Variants in SYTL4 observed in about 807,000 individuals in gnomAD.
SYTL4 encodes synaptotagmin like 4.
SYTL4 carries 16 observed loss-of-function variants against 52.7 expected under a neutral mutation model. The ratio of observed to expected loss-of-function variants is 0.30; its 90% CI spans 0.21 to 0.46. SYTL4 has a LOEUF of 0.46. Ranked by LOEUF, SYTL4 falls within the 20% of genes least tolerant of loss-of-function variation. The pLI is 1.00. For missense variants in SYTL4, 423 were observed against 519.9 expected (o/e 0.81, Z 1.81); for synonymous variants, 160 against 186.6 (o/e 0.86, Z 1.16).
chrX:100,725,915 A>G (rs187081890), intron 2 of SYTL4, among the ~76,000 whole-genome samples: 1 of 111,529 alleles, frequency 9.0e-6, no homozygotes, highest in East Asian at 2.8e-4. Context: ...GCCTGAATCG[A>G]TAGAGCTACA....
intron 2 of SYTL4, among the ~76,000 whole-genome samples, chrX:100,719,059 G>A (rs1337583270): frequency 9.0e-6 from 1 of 111,145 alleles, no homozygotes; most frequent in Admixed American, 9.5e-5. Context: ...GCCTCCCAAC[G>A]TGCTGGGATT....
chrX:100,688,449 A>G lies in SYTL4; in HGVS notation c.913-6T>C. On this transcript the variant is annotated splice_polypyrimidine_tract_variant and splice_region_variant and intron_variant, in intron 12 of 19. Transcript: ENST00000372989. ...TCTTCTTCTTCTTCCTCTTCCTGGA[A>G]CAATAAATATAAATTCAGAGTTAAT... 2.5e-6 allele frequency: 3 copies of G among 1,181,587 alleles called. No homozygotes were observed. Among genetic ancestry groups the G allele is most frequent in the Non-Finnish European group, 3.4e-6 (3 of 872,987 alleles).
chrX:100,708,399 T>C (rs748677614), intron 2 of SYTL4, among the ~76,000 whole-genome samples: 29 of 111,474 alleles, frequency 2.6e-4, no homozygotes, highest in African/African-American at 8.8e-4. Flanking sequence ...GATGAAAAAT[T>C]AGTAAATATG....
intron 2 of SYTL4, among the ~76,000 whole-genome samples, chrX:100,707,001 A>G (rs186690371): frequency 7.2e-5 from 8 of 111,767 alleles, no homozygotes; most frequent in Non-Finnish European, 1.5e-4. Context: ...AACCATCAAA[A>G]TGAGAGGTTA....
chrX:100,697,669 C>T (rs1021855653), intron 8 of SYTL4, among the ~76,000 whole-genome samples: 1 of 109,703 alleles, frequency 9.1e-6, no homozygotes, highest in African/African-American at 3.3e-5. Context: ...GATGATAAAA[C>T]AAAATGAGAG....
At chrX:100,707,555 T>C (rs1569406098) in intron 2 of SYTL4, among the ~76,000 whole-genome samples, 1 of 112,137 alleles carries the variant, frequency 8.9e-6, no homozygotes, top group African/African-American at 3.2e-5. Flanking sequence ...TATATTTTTA[T>C]GGTAAATAGT....
intron 2 of SYTL4, among the ~76,000 whole-genome samples, chrX:100,727,854 CAG>C (rs1400072308): frequency 3.6e-5 from 4 of 111,640 alleles, no homozygotes; most frequent in African/African-American, 9.8e-5. Flanking sequence ...TTTACTGAGA[CAG>C]GGAGTGCTGA....
intron 2 of SYTL4, among the ~76,000 whole-genome samples, chrX:100,731,140 C>A (rs775025519): frequency 8.9e-6 from 1 of 111,791 alleles, no homozygotes; most frequent in Non-Finnish European, 1.9e-5. Context: ...CACCAGAATT[C>A]TAACCAAATG....
intron 2 of SYTL4, among the ~76,000 whole-genome samples, chrX:100,714,319 G>T (rs1482247466): frequency 5.6e-5 from 6 of 107,484 alleles, no homozygotes; most frequent in Admixed American, 2.0e-4. Context: ...GAGTGCAGTG[G>T]CACGATCTTG....
At chrX:100,716,450 C>CAAAAAA (rs200368843) in intron 2 of SYTL4, among the ~76,000 whole-genome samples, 130 of 25,755 alleles carry the variant, frequency 5.0e-3, no homozygotes, top group Non-Finnish European at 5.9e-3. Flanking sequence ...AACTCCATCT[C>CAAAAAA]AAAAAAAAAA....
At chrX:100,726,182 G>C (rs1380943491) in intron 2 of SYTL4, among the ~76,000 whole-genome samples, 2 of 108,366 alleles carry the variant, frequency 1.8e-5, no homozygotes, top group Admixed American at 2.0e-4. Context: ...ATGGATACAG[G>C]GTTCTGCGAC....
chrX:100,716,197 C>T (rs1196576802), intron 2 of SYTL4, among the ~76,000 whole-genome samples: 2 of 108,278 alleles, frequency 1.8e-5, no homozygotes, highest in African/African-American at 6.7e-5. Context: ...CGTCTGTAAT[C>T]TCAGCACTTT....
chrX:100,693,666 C>A (rs1220899024), intron 8 of SYTL4, among the ~76,000 whole-genome samples: 1 of 111,697 alleles, frequency 9.0e-6, no homozygotes, highest in Non-Finnish European at 1.9e-5. Context: ...ATCATATGAC[C>A]CAGCAATTCC....
chrX:100,686,191 G>A, intron 15 of SYTL4, 40 bp from the exon 16 acceptor site: 4 of 1,148,730 alleles, frequency 3.5e-6, no homozygotes, highest in Non-Finnish European at 4.7e-6. Flanking sequence ...ATTAGTTAAG[G>A]GTAATTCTTC....
intron 17 of SYTL4, 53 bp from the exon 18 acceptor site, chrX:100,679,465 C>G: frequency 2.0e-6 from 2 of 996,142 alleles, no homozygotes; most frequent in Non-Finnish European, 2.8e-6. Context: ...CTAGATTTAT[C>G]TTGAGCTTTG....
At chrX:100,696,761 G>A (rs1203296638) in intron 8 of SYTL4, among the ~76,000 whole-genome samples, 3 of 111,301 alleles carry the variant, frequency 2.7e-5, no homozygotes, top group Middle Eastern at 4.3e-3. Flanking sequence ...AACTATTAAC[G>A]ATAATTATCT....
intron 2 of SYTL4, among the ~76,000 whole-genome samples, chrX:100,707,125 G>C (rs2858182): frequency 9.0e-6 from 1 of 111,298 alleles, no homozygotes; most frequent in Non-Finnish European, 1.9e-5. Flanking sequence ...TACAAAAAAA[G>C]TCTATATCCA....
chrX:100,686,490 T>C, intron 15 of SYTL4, 189 bp downstream of exon 15: 1 of 406,621 alleles, frequency 2.5e-6, no homozygotes, highest in Non-Finnish European at 4.2e-6. Context: ...TTCACATCAA[T>C]CCAGGAAAGG....
In SYTL4 at chrX:100,682,971, C is replaced by T. The variant is rs142137507; in HGVS notation, c.1450-1636G>A. Among the ~76,000 whole-genome samples the T allele has an allele frequency of 5.4e-4, 59 of 109,628 alleles. No homozygotes were observed. The East Asian group carries it at 0.011, about 21-fold the overall frequency. ...TTTACTGAATGAAGGTAAGAGTGAA[C>T]GAATGAATGTCTGAGATGAGCAGCA... On this transcript the variant is annotated intron_variant, in intron 16 of 19. Transcript: ENST00000372989.
Sources: allele counts gnomAD v4.1 joint callset (sites outside exome capture counted in the v4.1 genomes callset), GRCh38; gene constraint gnomAD v4.1.1; transcripts MANE v1.5; gene names NCBI Gene and HGNC (gene_info 2026-07-23, HGNC 2026-07-21).